Variants in SLC24A2 observed in about 807,000 individuals in gnomAD.
The protein encoded by SLC24A2 is sodium/potassium/calcium exchanger 2.
In SLC24A2, 36 loss-of-function variants were observed where a neutral mutation model predicts 62.0. The ratio of observed to expected loss-of-function variants is 0.58; its 90% CI spans 0.44 to 0.77. The LOEUF is 0.77. Among genes scored for constraint, SLC24A2 ranks in the 30% least tolerant of loss-of-function variants. The pLI, the probability that SLC24A2 is intolerant of heterozygous loss-of-function variation, is 0.00. For missense variants in SLC24A2, 846 were observed against 817.9 expected (o/e 1.03, Z -0.42); for synonymous variants, 358 against 294.0 (o/e 1.22, Z -2.23).
chr9:20,038,904 ATTTTT>A, the SLC24A2 span, among the ~76,000 whole-genome samples: 184 of 152,324 alleles, frequency 1.2e-3, 3 homozygotes, highest in African/African-American at 3.7e-3. Flanking sequence ...AACTGAATTT[ATTTTT>A]TAAGTTTCGT....
chr9:19,787,852 A>G (rs1412299255), intron 1 of SLC24A2, among the ~76,000 whole-genome samples: 1 of 152,202 alleles, frequency 6.6e-6, no homozygotes, highest in Non-Finnish European at 1.5e-5. Context: ...TTCATAAACA[A>G]TACGCAAGTT....
chr9:19,575,302 A>G (rs1835974505), intron 6 of SLC24A2, among the ~76,000 whole-genome samples: 1 of 152,200 alleles, frequency 6.6e-6, no homozygotes, highest in Non-Finnish European at 1.5e-5. Flanking sequence ...CCTTGGGTGA[A>G]TAAAACTCTG....
At chr9:19,534,844 A>C (rs534495210) in intron 8 of SLC24A2, among the ~76,000 whole-genome samples, 18 of 152,276 alleles carry the variant, frequency 1.2e-4, no homozygotes, top group African/African-American at 3.8e-4. Context: ...TTTATAGTAG[A>C]ATGATTTATA....
chr9:20,237,676 C>T, the SLC24A2 span, among the ~76,000 whole-genome samples: 3 of 152,234 alleles, frequency 2.0e-5, no homozygotes, highest in African/African-American at 7.2e-5. Flanking sequence ...GGAAGCACTC[C>T]GATTTTTTTT....
At chr9:20,210,673 T>C in the SLC24A2 span, among the ~76,000 whole-genome samples, 1 of 74,944 alleles carries the variant, frequency 1.3e-5, no homozygotes, top group Non-Finnish European at 3.0e-5. Context: ...TTTTTTTTTT[T>C]TTCTGTATTT....
the SLC24A2 span, among the ~76,000 whole-genome samples, chr9:20,010,604 A>G: frequency 3.9e-5 from 6 of 152,092 alleles, no homozygotes; most frequent in Non-Finnish European, 8.8e-5. Context: ...AAAATTCAAT[A>G]GACATTTTCT....
the SLC24A2 span, among the ~76,000 whole-genome samples, chr9:19,888,134 T>G: frequency 6.6e-6 from 1 of 152,280 alleles, no homozygotes; most frequent in South Asian, 2.1e-4. Flanking sequence ...AAATAATTGG[T>G]TTTTAAAAAG....
At chr9:19,845,291 T>A in the SLC24A2 span, among the ~76,000 whole-genome samples, 1 of 152,134 alleles carries the variant, frequency 6.6e-6, no homozygotes, top group Non-Finnish European at 1.5e-5. Context: ...TACATTGGAT[T>A]GTATTCTTGA....
intron 2 of SLC24A2, among the ~76,000 whole-genome samples, chr9:19,758,277 T>C (rs2118840409): frequency 1.3e-5 from 2 of 152,266 alleles, no homozygotes; most frequent in East Asian, 1.9e-4. Flanking sequence ...GACCTACCAA[T>C]AGACATGGAG....
rs58241037 is a variant in SLC24A2 at position 19,762,793 on chromosome 9, C to CTTTTTTTTTTTTTTTTTTTT, written c.930+23143_930+23144insAAAAAAAAAAAAAAAAAAAA. ...CTTAGGATTGTCTTGGCTATATGTG[C>CTTTTTTTTTTTTTTTTTTTT]TTTTTTTTTTTTTTTTTTGGTTCCA... On this transcript the variant is annotated intron_variant, in intron 2 of 10. Transcript: ENST00000341998. Among the ~76,000 whole-genome samples the CTTTTTTTTTTTTTTTTTTTT allele has an allele frequency of 2.0e-5, 2 of 102,394 alleles. 1 individual carries two copies. The highest frequency in any genetic ancestry group is 4.0e-5 in the Non-Finnish European group (2 of 50,134). 67.2% of individuals were successfully genotyped at this position (102,394 alleles called of 152,430 possible).
At chr9:19,767,634 A>G (rs1264771865) in intron 2 of SLC24A2, among the ~76,000 whole-genome samples, 1 of 152,068 alleles carries the variant, frequency 6.6e-6, no homozygotes, top group Non-Finnish European at 1.5e-5. Context: ...GGCTGCATGC[A>G]CTGTCTAACC....
At chr9:20,153,613 G>T in the SLC24A2 span, among the ~76,000 whole-genome samples, 2 of 151,814 alleles carry the variant, frequency 1.3e-5, no homozygotes, top group Non-Finnish European at 2.9e-5. Context: ...TGTAATTATT[G>T]TTCTATGATT....
chr9:20,264,335 T>C, the SLC24A2 span, among the ~76,000 whole-genome samples: 7 of 152,212 alleles, frequency 4.6e-5, no homozygotes. Flanking sequence ...TCCCCTTTTC[T>C]CAGATAACTC....
At chr9:20,035,447 T>A in the SLC24A2 span, among the ~76,000 whole-genome samples, 2 of 151,922 alleles carry the variant, frequency 1.3e-5, no homozygotes, top group Admixed American at 6.6e-5. Flanking sequence ...CAATGAAAAA[T>A]GAAGCTGCAG....
At chr9:19,941,840 AAATACTATAAGG>A in the SLC24A2 span, among the ~76,000 whole-genome samples, 2 of 152,148 alleles carry the variant, frequency 1.3e-5, no homozygotes, top group Admixed American at 6.6e-5. Context: ...AAACACAAGA[AAATACTATAAGG>A]AATCAGTACT....
chr9:19,705,993 A>G (rs1464099221), intron 2 of SLC24A2, among the ~76,000 whole-genome samples: 1 of 151,522 alleles, frequency 6.6e-6, no homozygotes, highest in Non-Finnish European at 1.5e-5. Context: ...ATCCTTGTTA[A>G]CTTTCTGTCT....
At chr9:20,304,713 C>A in the SLC24A2 span, among the ~76,000 whole-genome samples, 1 of 152,120 alleles carries the variant, frequency 6.6e-6, no homozygotes, top group East Asian at 1.9e-4. Flanking sequence ...GAACACAATC[C>A]TTATATAAAA....
At chr9:19,705,403 G>C (rs762730881) in intron 2 of SLC24A2, 2 of 163,978 alleles carry the variant, frequency 1.2e-5, no homozygotes, top group Non-Finnish European at 2.7e-5. Flanking sequence ...TGAGGTACTG[G>C]GTGGTTGGGG....
In SLC24A2 at chr9:19,706,775, T is replaced by C. The variant is rs540216376; in HGVS notation, c.930+79162A>G. On this transcript the variant is annotated intron_variant, in intron 2 of 10. Coordinates refer to ENST00000341998, the MANE Select transcript of SLC24A2 (RefSeq NM_020344.4). Reference sequence around the variant, plus strand: ...AAAGCAGTGTGTAGAGGGAAATTTATAGCAATAAATGCCCACAAGAGAAAG... The same window carrying C: ...AAAGCAGTGTGTAGAGGGAAATTTACAGCAATAAATGCCCACAAGAGAAAG... Among the ~76,000 whole-genome samples the C allele has an allele frequency of 7.5e-3, 1,147 of 152,244 alleles. 6 individuals carry two copies. The highest frequency in any genetic ancestry group is 0.011 in the Non-Finnish European group (730 of 68,016).
Sources: gnomAD v4.1 joint callset for allele counts (sites outside exome capture counted in the v4.1 genomes callset) on GRCh38, gnomAD v4.1.1 for gene constraint, MANE v1.5 for transcripts, NCBI Gene and HGNC (gene_info 2026-07-23, HGNC 2026-07-21) for gene names.